The following IAH1 variants were observed in gnomAD, a reference collection of about 807,000 sequenced individuals.
IAH1 encodes the protein isoamyl acetate hydrolyzing esterase 1 (putative).
In IAH1, 24 loss-of-function variants were observed where a neutral mutation model predicts 26.7. The ratio of observed to expected loss-of-function variants is 0.90; its 90% CI spans 0.65 to 1.26. IAH1 has a LOEUF of 1.26. IAH1 is among the 50% of genes most tolerant of loss of function. The probability of loss-of-function intolerance (pLI) is 0.00; values close to 1 mark genes in which losing one functional copy is unlikely to be tolerated. For synonymous variants in IAH1, 140 were observed against 118.5 expected (o/e 1.18, Z -1.18); for missense variants, 300 against 299.9 (o/e 1.00, Z 0.00).
chr2:9,491,248 TTAGAACCTGAGTTG>T, downstream of IAH1: 1 of 1,134,742 alleles, frequency 8.8e-7, no homozygotes, highest in Non-Finnish European at 1.3e-6. Context: ...ACTGAAGAAC[TTAGAACCTGAGTTG>T]TAGAAAGTGA....
At chr2:9,493,524 C>T (rs1662325822), downstream of IAH1, among the ~76,000 whole-genome samples, 1 of 152,192 alleles carries the variant, frequency 6.6e-6, no homozygotes, top group Admixed American at 6.5e-5. Flanking sequence ...AGTATTTTGA[C>T]TTTATTTCCC....
chr2:9,511,158 A>C, the IAH1 span, among the ~76,000 whole-genome samples: 2 of 152,206 alleles, frequency 1.3e-5, no homozygotes, highest in African/African-American at 4.8e-5. Flanking sequence ...GGGGTAAAAA[A>C]AACAGTACGG....
chr2:9,495,185 T>C (rs1270177222), intron 6 of IAH1, among the ~76,000 whole-genome samples: 1 of 152,198 alleles, frequency 6.6e-6, no homozygotes, highest in African/African-American at 2.4e-5. Context: ...CGAGAGCAGC[T>C]GGGACACAAC....
chr2:9,498,863 T>A (rs576209639), downstream of IAH1, among the ~76,000 whole-genome samples: 3 of 152,270 alleles, frequency 2.0e-5, no homozygotes, highest in South Asian at 6.2e-4. Context: ...AAGACTAAAG[T>A]CAGAGTATTA....
chr2:9,496,813 C>G (rs1662641677), downstream of IAH1, among the ~76,000 whole-genome samples: 1 of 152,182 alleles, frequency 6.6e-6, no homozygotes, highest in South Asian at 2.1e-4. Context: ...GGCTAGGACA[C>G]ACCTCTACCT....
At chr2:9,486,822 T>A (rs1255216211) in intron 5 of IAH1, 1 of 146,542 alleles carries the variant, frequency 6.8e-6, no homozygotes, top group Non-Finnish European at 1.5e-5. Context: ...AGAGTGAGAC[T>A]CTAGCTCAAA....
intron 5 of IAH1, chr2:9,486,368 T>C (rs1661478353): frequency 6.6e-6 from 1 of 152,230 alleles, no homozygotes; most frequent in African/African-American, 2.4e-5. Context: ...GAAAGGAAAC[T>C]GCAAACTATT....
At chr2:9,497,623 G>A (rs368090161), downstream of IAH1, among the ~76,000 whole-genome samples, 9 of 152,244 alleles carry the variant, frequency 5.9e-5, no homozygotes, top group East Asian at 7.7e-4. Context: ...TGACTTCATC[G>A]CACACAACTC....
At chr2:9,482,497 G>C (rs1409830460) in intron 4 of IAH1, among the ~76,000 whole-genome samples, 1 of 152,126 alleles carries the variant, frequency 6.6e-6, no homozygotes, top group Non-Finnish European at 1.5e-5. Flanking sequence ...ACACACCACA[G>C]CACACATACC....
intron 5 of IAH1, among the ~76,000 whole-genome samples, chr2:9,487,133 C>T (rs6750621): frequency 0.52 from 78,490 of 151,838 alleles, 21,188 homozygotes; most frequent in Middle Eastern, 0.67. Flanking sequence ...CCCAGCTGCT[C>T]AGGGGGCTGA....
At chr2:9,509,058 G>C in the IAH1 span, among the ~76,000 whole-genome samples, 1 of 152,168 alleles carries the variant, frequency 6.6e-6, no homozygotes, top group Non-Finnish European at 1.5e-5. Context: ...TCAGAAAGCA[G>C]GGTGTCAGAG....
the IAH1 span, among the ~76,000 whole-genome samples, chr2:9,512,054 A>G: frequency 1.3e-5 from 2 of 152,030 alleles, no homozygotes; most frequent in South Asian, 2.1e-4. Flanking sequence ...TAAGGGGGGG[A>G]AATCACTCCA....
chr2:9,476,215 C>T (rs142637928), intron 2 of IAH1, among the ~76,000 whole-genome samples, 176 bp downstream of exon 2: 74 of 152,320 alleles, frequency 4.9e-4, no homozygotes, highest in African/African-American at 1.7e-3. Flanking sequence ...TCAGTCTGAC[C>T]AATTAGATAT....
chr2:9,488,365 C>T lies in IAH1; in HGVS notation c.*36C>T, dbSNP rs975593454. 6.5e-7 allele frequency: 1 copy of T among 1,529,556 alleles called. No homozygotes were observed. The highest frequency in any genetic ancestry group is 1.4e-5 in the African/African-American group (1 of 72,048). 94.7% of individuals were successfully genotyped at this position (1,529,556 alleles called of 1,614,324 possible). On this transcript the variant is annotated 3_prime_UTR_variant, in exon 6 of 6. Transcript: ENST00000497473. Reference sequence around the variant, plus strand: ...GAGACCCAAATCTGCTTGTTATCTACAGAACTCAAAGTTGTCAATACGTAG... The same window carrying T: ...GAGACCCAAATCTGCTTGTTATCTATAGAACTCAAAGTTGTCAATACGTAG...
At chr2:9,475,057 A>C (rs1682401809) in intron 1 of IAH1, 1 of 1,174,076 alleles carries the variant, frequency 8.5e-7, no homozygotes, top group Non-Finnish European at 1.1e-6. Flanking sequence ...CTCCGGGCAG[A>C]GGCGCCAGGA....
the IAH1 span, among the ~76,000 whole-genome samples, chr2:9,508,410 G>A: frequency 6.6e-6 from 1 of 151,984 alleles, no homozygotes; most frequent in Non-Finnish European, 1.5e-5. Context: ...TTGTTTGTTG[G>A]CTTATTAACA....
rs1215486471 is a variant in IAH1 at position 9,478,547 on chromosome 2, TCA to T, written c.283+178_283+179del. ...AACACTGGTGGATTTTATTCTTGACTCAGTTTCTACATACCTTGGTTGCTGGC... is the reference window on the plus strand; with the variant it reads ...AACACTGGTGGATTTTATTCTTGACTGTTTCTACATACCTTGGTTGCTGGC... On this transcript the variant is annotated intron_variant, in intron 3 of 5. Coordinates refer to ENST00000497473, the MANE Select transcript of IAH1 (RefSeq NM_001039613.3). Among the ~76,000 whole-genome samples the T allele has an allele frequency of 2.0e-5, 3 of 152,356 alleles. No individual in the cohort carries two copies. In the East Asian group the frequency reaches 5.8e-4, roughly 29 times the overall value.
downstream of IAH1, among the ~76,000 whole-genome samples, chr2:9,498,507 C>G (rs1195691791): frequency 3.0e-4 from 45 of 152,186 alleles, no homozygotes; most frequent in Admixed American, 2.9e-3. Context: ...TCTGGACTGG[C>G]CTTTCAGCTG....
the IAH1 span, among the ~76,000 whole-genome samples, chr2:9,511,818 A>T: frequency 6.6e-6 from 1 of 151,952 alleles, no homozygotes; most frequent in African/African-American, 2.4e-5. Context: ...TAAAAATATA[A>T]AACCTAGCCA....
Sources: allele counts gnomAD v4.1 joint callset (sites outside exome capture counted in the v4.1 genomes callset), GRCh38; gene constraint gnomAD v4.1.1; transcripts MANE v1.5; gene names NCBI Gene and HGNC (gene_info 2026-07-23, HGNC 2026-07-21).